PRDM16: variants seen among roughly 807,000 people sequenced by gnomAD.
PRDM16 encodes the protein histone-lysine N-methyltransferase PRDM16.
PRDM16 carries 23 observed loss-of-function variants against 110.6 expected under a neutral mutation model. The ratio of observed to expected loss-of-function variants is 0.21; its 90% CI spans 0.15 to 0.29. The LOEUF (loss-of-function observed/expected upper bound fraction) is 0.29, where lower values mean the gene tolerates loss of function less well. Among genes scored for constraint, PRDM16 ranks in the 10% least tolerant of loss-of-function variants. The probability of loss-of-function intolerance (pLI) is 1.00; values close to 1 mark genes in which losing one functional copy is unlikely to be tolerated. For missense variants in PRDM16, 1,615 were observed against 1,794.3 expected (o/e 0.90, Z 1.81); for synonymous variants, 799 against 781.8 (o/e 1.02, Z -0.37).
At chr1:3,273,867 G>A (rs1373874438) in intron 3 of PRDM16, among the ~76,000 whole-genome samples, 1 of 151,494 alleles carries the variant, frequency 6.6e-6, no homozygotes, top group Non-Finnish European at 1.5e-5. Context: ...CTGCTTATAT[G>A]GGGGTGCCAG....
chr1:3,253,010 A>G (rs1639968496), intron 3 of PRDM16, among the ~76,000 whole-genome samples: 1 of 152,030 alleles, frequency 6.6e-6, no homozygotes, highest in Non-Finnish European at 1.5e-5. Context: ...CCGCGTGTGC[A>G]GGAACCCCTC....
At chr1:3,275,051 C>T (rs1640551294) in intron 3 of PRDM16, among the ~76,000 whole-genome samples, 1 of 152,216 alleles carries the variant, frequency 6.6e-6, no homozygotes, top group Admixed American at 6.5e-5. Flanking sequence ...AGCAGGAGCA[C>T]GGATCTGGCT....
intron 1 of PRDM16, among the ~76,000 whole-genome samples, chr1:3,101,510 A>G (rs1238651090): frequency 6.6e-6 from 1 of 152,210 alleles, no homozygotes. Flanking sequence ...AGCGGCGGCC[A>G]TCGGGGAAGG....
At chr1:3,217,658 G>A (rs986388586) in intron 2 of PRDM16, among the ~76,000 whole-genome samples, 8 of 152,190 alleles carry the variant, frequency 5.3e-5, no homozygotes, top group Admixed American at 1.3e-4. Context: ...CAGAAGCAGC[G>A]TTTTCACTCA....
At chr1:3,324,670 CA>C (rs1005182394) in intron 3 of PRDM16, among the ~76,000 whole-genome samples, 3 of 151,954 alleles carry the variant, frequency 2.0e-5, no homozygotes, top group African/African-American at 7.3e-5. Context: ...ATCCTGCGGG[CA>C]CAGGCAGGCT....
rs1012942410 is a variant in PRDM16, at chr1:3,245,615, C to G, written c.438+1478C>G. On this transcript the variant is annotated intron_variant, in intron 3 of 16. Transcript: ENST00000270722. The surrounding 1 kb of genome is among the most constrained non-coding windows in gnomAD (Gnocchi z 4.7). The stretch of plus-strand genomic sequence containing the variant: ...GGTGTCGGCTCTCAGTCCCCGCCGT[C>G]CACAGGATGCCTGAGGTCTTCCTGC... Among the ~76,000 whole-genome samples, 1 of 152,186 alleles carries G rather than the reference C, an allele frequency of 6.6e-6. No homozygotes were observed. The highest frequency in any genetic ancestry group is 1.5e-5 in the Non-Finnish European group (1 of 68,038).
intron 3 of PRDM16, among the ~76,000 whole-genome samples, chr1:3,324,066 C>T (rs1487249890): frequency 2.6e-5 from 4 of 152,200 alleles, no homozygotes; most frequent in African/African-American, 9.7e-5. Flanking sequence ...CTACCAGCAG[C>T]AGGGCCAGCC....
At chr1:3,326,861 A>T (rs1641924567) in intron 3 of PRDM16, among the ~76,000 whole-genome samples, 1 of 152,086 alleles carries the variant, frequency 6.6e-6, no homozygotes. Context: ...TCCTGCCCCC[A>T]CTGGGCCATG....
chr1:3,077,296 C>A (rs1221233433), intron 1 of PRDM16, among the ~76,000 whole-genome samples: 4 of 152,190 alleles, frequency 2.6e-5, no homozygotes, highest in African/African-American at 7.2e-5. Context: ...AGGCTCTGTT[C>A]ACCCCAACTC....
chr1:3,183,124 C>A (rs777645361), intron 1 of PRDM16, among the ~76,000 whole-genome samples: 3 of 152,252 alleles, frequency 2.0e-5, no homozygotes, highest in Non-Finnish European at 4.4e-5. Flanking sequence ...GCCCTGCACA[C>A]TGACCTGTGA....
At chr1:3,309,333 G>A (rs1311705713) in intron 3 of PRDM16, 1 of 152,312 alleles carries the variant, frequency 6.6e-6, no homozygotes, top group Non-Finnish European at 1.5e-5. Flanking sequence ...CCGTCGTCAG[G>A]CGATATTCCC....
chr1:3,246,916 C>T lies in PRDM16; in HGVS notation c.438+2779C>T, dbSNP rs544741503. 4.9e-4 allele frequency among the ~76,000 whole-genome samples: 74 copies of T among 152,244 alleles called. No homozygotes were observed. Among genetic ancestry groups the T allele is most frequent in the African/African-American group, 1.8e-3 (73 of 41,532 alleles). On this transcript the variant is annotated intron_variant, in intron 3 of 16. Coordinates refer to ENST00000270722, the MANE Select transcript of PRDM16 (RefSeq NM_022114.4). The surrounding 1 kb of genome is among the most constrained non-coding windows in gnomAD (Gnocchi z 5.2). ...CCAGGACAGACAGCCCTCGAGTGGG[C>T]GTCAGTCCAGACGGAGACCCCACCC... is the stretch of plus-strand genomic sequence containing the variant.
chr1:3,203,765 C>T (rs1003926151), intron 2 of PRDM16, among the ~76,000 whole-genome samples: 1 of 152,240 alleles, frequency 6.6e-6, no homozygotes, highest in Admixed American at 6.5e-5. Flanking sequence ...GTTAACTCAT[C>T]ACATCTCCCA....
chr1:3,344,005 C>T (rs1642318602), intron 3 of PRDM16, among the ~76,000 whole-genome samples: 1 of 152,148 alleles, frequency 6.6e-6, no homozygotes, highest in South Asian at 2.1e-4. Context: ...TTCAAGTTCA[C>T]TCACCCTTTC....
At chr1:3,326,666 G>A (rs1041669458) in intron 3 of PRDM16, among the ~76,000 whole-genome samples, 1 of 152,206 alleles carries the variant, frequency 6.6e-6, no homozygotes, top group East Asian at 1.9e-4. Context: ...AGAGGAGCGG[G>A]GAACAGGGCC....
intron 3 of PRDM16, among the ~76,000 whole-genome samples, chr1:3,277,582 G>T (rs747063693): frequency 2.0e-4 from 31 of 152,358 alleles, no homozygotes; most frequent in South Asian, 8.3e-4. Flanking sequence ...ATCCGCTGAA[G>T]CCCCTGGGAC....
intron 1 of PRDM16, among the ~76,000 whole-genome samples, chr1:3,173,535 G>C (rs1412449994): frequency 2.0e-5 from 3 of 152,248 alleles, no homozygotes; most frequent in Non-Finnish European, 4.4e-5. Flanking sequence ...CAGCTCGGCT[G>C]GTCAGGGGAG....
chr1:3,414,150 C>T (rs1238667399), intron 9 of PRDM16, among the ~76,000 whole-genome samples: 1 of 152,218 alleles, frequency 6.6e-6, no homozygotes, highest in Non-Finnish European at 1.5e-5. Context: ...CCCACTCATG[C>T]AGGGCTGACC....
intron 3 of PRDM16, among the ~76,000 whole-genome samples, chr1:3,376,846 C>T (rs774306549): frequency 1.4e-4 from 22 of 152,024 alleles, no homozygotes; most frequent in Non-Finnish European, 2.8e-4. Context: ...TGTCCCTGGC[C>T]GTGGTGTGGC....
Sources: allele counts gnomAD v4.1 joint callset (sites outside exome capture counted in the v4.1 genomes callset), GRCh38; gene constraint gnomAD v4.1.1; non-coding constraint Gnocchi (gnomAD v3.1); transcripts MANE v1.5; gene names NCBI Gene and HGNC (gene_info 2026-07-23, HGNC 2026-07-21).